Variants in RAB22A observed in about 807,000 individuals in gnomAD.
The protein encoded by RAB22A is RAB22A, member RAS oncogene family, also known as ras-related protein Rab-22A.
In RAB22A, 13 loss-of-function variants were observed where a neutral mutation model predicts 30.2. That is an observed-to-expected ratio of 0.43 (90% CI 0.28 to 0.68). The LOEUF (loss-of-function observed/expected upper bound fraction) is 0.68. Among genes scored for constraint, RAB22A ranks in the 30% least tolerant of loss-of-function variants. RAB22A has a pLI of 0.18. For missense variants in RAB22A, 177 were observed against 246.8 expected, an observed-to-expected ratio of 0.72 and a Z score of 1.89; for synonymous variants, 89 against 87.2, an observed-to-expected ratio of 1.02 and a Z score of -0.11.
At chr20:58,319,160 T>C (rs1246881001) in intron 2 of RAB22A, among the ~76,000 whole-genome samples, 1 of 152,288 alleles carries the variant, frequency 6.6e-6, no homozygotes, top group East Asian at 1.9e-4. Context: ...AAAAAGATTC[T>C]TGACCCTTAC....
At chr20:58,327,543 G>A (rs941849291) in intron 2 of RAB22A, among the ~76,000 whole-genome samples, 4 of 152,192 alleles carry the variant, frequency 2.6e-5, no homozygotes, top group Admixed American at 2.6e-4. Flanking sequence ...CAGAGCAAAT[G>A]ATTCAAGAGA....
intron 2 of RAB22A, among the ~76,000 whole-genome samples, chr20:58,313,981 T>C (rs149749203): frequency 6.6e-6 from 1 of 152,322 alleles, no homozygotes; most frequent in Non-Finnish European, 1.5e-5. Context: ...CAAAATGGAC[T>C]TCTGTCCTCG....
chr20:58,356,839 G>C (rs772667836), intron 6 of RAB22A, among the ~76,000 whole-genome samples: 4 of 152,172 alleles, frequency 2.6e-5, no homozygotes, highest in Non-Finnish European at 4.4e-5. Context: ...TGGTTTGTGC[G>C]TGTGAGTGTC....
chr20:58,334,371 ATAC>A (rs1188360857), intron 2 of RAB22A, among the ~76,000 whole-genome samples: 2 of 152,146 alleles, frequency 1.3e-5, no homozygotes, highest in African/African-American at 4.8e-5. Flanking sequence ...AAGAAGCTGA[ATAC>A]TGCCGTCCAT....
intron 6 of RAB22A, among the ~76,000 whole-genome samples, 170 bp downstream of exon 6, chr20:58,354,435 T>C (rs1248166065): frequency 7.2e-5 from 11 of 152,230 alleles, no homozygotes; most frequent in East Asian, 1.9e-4. Context: ...TATCATGTTA[T>C]AGTTGCTGAA....
At position 58,360,659 on chromosome 20, in the gene RAB22A, C is replaced by G. The variant is rs575298731; in HGVS notation, c.*956C>G. On this transcript the variant is annotated 3_prime_UTR_variant, in exon 7 of 7. Coordinates refer to ENST00000244040, the MANE Select transcript of RAB22A (RefSeq NM_020673.3). Reference sequence around the variant, plus strand: ...AAATACATTAATAAATTCTAAGTTTCATTTGACATTCCATTGAATCTCGCA... The same window carrying G: ...AAATACATTAATAAATTCTAAGTTTGATTTGACATTCCATTGAATCTCGCA... The G allele has an allele frequency of 2.0e-5, 3 of 152,672 alleles. No homozygotes were observed. The East Asian group carries it at 5.8e-4, about 29-fold the overall frequency. 9.5% of individuals were successfully genotyped at this position (152,672 alleles called of 1,614,324 possible). A position where few individuals can be genotyped will look rare whatever the true frequency, so the allele number is the denominator to read the frequency against.
chr20:58,359,141 G>A (rs1192403174), intron 6 of RAB22A, among the ~76,000 whole-genome samples: 1 of 152,184 alleles, frequency 6.6e-6, no homozygotes, highest in East Asian at 1.9e-4. Context: ...ATGAGACAGA[G>A]GGACAACCAT....
At chr20:58,349,785 A>G (rs1987014378) in intron 3 of RAB22A, among the ~76,000 whole-genome samples, 1 of 152,234 alleles carries the variant, frequency 6.6e-6, no homozygotes, top group Admixed American at 6.5e-5. Flanking sequence ...TCTTCAGAGA[A>G]GAAAAAAACC....
At chr20:58,330,465 C>G (rs1986643565) in intron 2 of RAB22A, among the ~76,000 whole-genome samples, 1 of 151,376 alleles carries the variant, frequency 6.6e-6, no homozygotes, top group Non-Finnish European at 1.5e-5. Flanking sequence ...TTCTCTTGAC[C>G]TTGGGTCACA....
At chr20:58,330,113 T>A (rs2122942696) in intron 2 of RAB22A, among the ~76,000 whole-genome samples, 1 of 152,328 alleles carries the variant, frequency 6.6e-6, no homozygotes, top group East Asian at 1.9e-4. Context: ...AGAGGATACA[T>A]GTAGGTTATA....
rs531586379 is a variant in RAB22A, at chr20:58,365,668, C to CT, written c.*5976dup. On this transcript the variant is annotated 3_prime_UTR_variant, in exon 7 of 7. Transcript: ENST00000244040. ...AGCAACTGATGGGTGGCTTTTTTTTCTTTTTTTTTTTGAGACGGAGTCTCG... is the reference window on the plus strand; with the variant it reads ...AGCAACTGATGGGTGGCTTTTTTTTCTTTTTTTTTTTTGAGACGGAGTCTCG... 722 of 145,880 alleles carry CT rather than the reference C, an allele frequency of 4.9e-3. 4 individuals are homozygous for CT. The highest frequency in any genetic ancestry group is 6.7e-3 in the South Asian group (31 of 4,596). The allele number at this position is 145,880 out of a possible 1,614,324, so 9.0% of individuals were successfully genotyped here.
At chr20:58,341,524 T>G (rs985462088) in intron 2 of RAB22A, among the ~76,000 whole-genome samples, 1 of 151,854 alleles carries the variant, frequency 6.6e-6, no homozygotes, top group Non-Finnish European at 1.5e-5. Flanking sequence ...CAGCAGAGAC[T>G]TAGACCCAAG....
rs1987338529 is a variant in RAB22A at position 58,367,437 on chromosome 20, T to C, written c.*7734T>C. On this transcript the variant is annotated 3_prime_UTR_variant, in exon 7 of 7. Coordinates refer to ENST00000244040, the MANE Select transcript of RAB22A (RefSeq NM_020673.3). ...TAATACACTTTTATAGAGTATAACATGCTAAATCACTGTTTTGTTGTAAGA... is the reference window on the plus strand; with the variant it reads ...TAATACACTTTTATAGAGTATAACACGCTAAATCACTGTTTTGTTGTAAGA... 6.6e-6 allele frequency: 1 copy of C among 152,664 alleles called. No homozygotes were observed. Among genetic ancestry groups the C allele is most frequent in the Non-Finnish European group, 1.5e-5 (1 of 68,036 alleles). 9.5% of individuals were successfully genotyped at this position (152,664 alleles called of 1,614,324 possible). A position where few individuals can be genotyped will look rare whatever the true frequency, so the allele number is the denominator to read the frequency against.
At position 58,364,310 on chromosome 20, in the gene RAB22A, A is replaced by G. The variant is rs982657842; in HGVS notation, c.*4607A>G. The stretch of plus-strand genomic sequence containing the variant: ...CAGATCTCGAAGGACTTCCAATAGC[A>G]TAGATCAGGTTTAATTTGATGGTCT... On this transcript the variant is annotated 3_prime_UTR_variant, in exon 7 of 7. Coordinates refer to ENST00000244040, the MANE Select transcript of RAB22A (RefSeq NM_020673.3). 3 of 152,230 alleles carry G rather than the reference A, an allele frequency of 2.0e-5. No individual in the cohort carries two copies. The highest frequency in any genetic ancestry group is 4.4e-5 in the Non-Finnish European group (3 of 68,034). 9.4% of individuals were successfully genotyped at this position (152,230 alleles called of 1,614,324 possible). A position where few individuals can be genotyped will look rare whatever the true frequency, so the allele number is the denominator to read the frequency against.
intron 5 of RAB22A, 72 bp from the exon 6 acceptor site, chr20:58,354,084 C>G (rs1044836788): frequency 9.4e-7 from 1 of 1,062,622 alleles, no homozygotes. Context: ...ATCTGGTTAA[C>G]TACTGGGTAG....
chr20:58,326,502 G>T (rs1389640692), intron 2 of RAB22A, among the ~76,000 whole-genome samples: 4 of 151,832 alleles, frequency 2.6e-5, no homozygotes, highest in African/African-American at 9.7e-5. Context: ...GTTTTGTTTT[G>T]TTTTTTATTA....
Position 58,343,000 on chromosome 20 carries a change from G to A in RAB22A, c.117-718G>A, listed in dbSNP as rs141166660. 2.0e-3 allele frequency among the ~76,000 whole-genome samples: 311 copies of A among 152,276 alleles called. 1 individual carries two copies. Among genetic ancestry groups the A allele is most frequent in the Non-Finnish European group, 3.5e-3 (235 of 68,010 alleles). ...CCCCCAAAATAATAGGAACCCTGCC[G>A]TCAGAGTGCCCTGGGCAGAGTAGCT... On this transcript the variant is annotated intron_variant, in intron 2 of 6. Coordinates refer to ENST00000244040, the MANE Select transcript of RAB22A (RefSeq NM_020673.3).
intron 2 of RAB22A, among the ~76,000 whole-genome samples, chr20:58,340,576 C>T (rs1159851949): frequency 6.6e-6 from 1 of 152,046 alleles, no homozygotes; most frequent in Non-Finnish European, 1.5e-5. Flanking sequence ...TGTTGGAGTT[C>T]TAGGATAGCA....
At chr20:58,354,375 G>T in intron 6 of RAB22A, 110 bp downstream of exon 6, 1 of 679,270 alleles carries the variant, frequency 1.5e-6, no homozygotes. Context: ...CTCTGATATT[G>T]TGATCAGTGA....
Sources: gnomAD v4.1 joint callset for allele counts (sites outside exome capture counted in the v4.1 genomes callset) on GRCh38, gnomAD v4.1.1 for gene constraint, MANE v1.5 for transcripts, NCBI Gene and HGNC (gene_info 2026-07-23, HGNC 2026-07-21) for gene names.